IPO7: variants seen among roughly 807,000 people sequenced by gnomAD.
IPO7 encodes importin-7.
Under a neutral mutation model 136.4 loss-of-function variants are expected in IPO7, and 13 were observed. That is an observed-to-expected ratio of 0.10 (90% confidence interval 0.06 to 0.15). The LOEUF (loss-of-function observed/expected upper bound fraction) is 0.15. Among genes scored for constraint, IPO7 ranks in the 10% least tolerant of loss-of-function variants. The pLI is 1.00. For missense variants in IPO7, 857 were observed against 1,240.6 expected, an observed-to-expected ratio of 0.69 and a Z score of 4.65; for synonymous variants, 403 against 404.4, an observed-to-expected ratio of 1.00 and a Z score of 0.04.
intron 1 of IPO7, among the ~76,000 whole-genome samples, chr11:9,400,706 G>A: frequency 6.6e-6 from 1 of 152,058 alleles, no homozygotes; most frequent in East Asian, 1.9e-4. Context: ...ACAGGCGTGA[G>A]CCACTGTGCC....
intron 2 of IPO7, among the ~76,000 whole-genome samples, chr11:9,404,261 C>G (rs919213569): frequency 4.6e-5 from 7 of 151,966 alleles, no homozygotes; most frequent in African/African-American, 1.4e-4. Flanking sequence ...ATCAGGAAAT[C>G]GAGACCATCC....
At chr11:9,400,868 T>C (rs1854784225) in intron 1 of IPO7, among the ~76,000 whole-genome samples, 1 of 151,378 alleles carries the variant, frequency 6.6e-6, no homozygotes, top group South Asian at 2.1e-4. Context: ...GTTTGCAGAG[T>C]GGGGTAAAGT....
chr11:9,388,927 G>C (rs1181698173), intron 1 of IPO7, among the ~76,000 whole-genome samples: 1 of 152,060 alleles, frequency 6.6e-6, no homozygotes, highest in Non-Finnish European at 1.5e-5. Flanking sequence ...GTCATGAATT[G>C]TTATTTTTTG....
intron 1 of IPO7, among the ~76,000 whole-genome samples, chr11:9,401,065 C>T (rs750225953): frequency 9.2e-5 from 14 of 152,034 alleles, no homozygotes; most frequent in Non-Finnish European, 1.6e-4. Flanking sequence ...CCTGTAATCC[C>T]AGCTACTCTG....
chr11:9,444,503 C>G (rs2133770342), intron 24 of IPO7, among the ~76,000 whole-genome samples: 1 of 151,854 alleles, frequency 6.6e-6, no homozygotes, highest in East Asian at 2.0e-4. Flanking sequence ...GCTGAGATTG[C>G]AGGCACGCAC....
intron 20 of IPO7, 26 bp from the exon 21 acceptor site, chr11:9,437,728 G>T: frequency 6.7e-7 from 1 of 1,501,230 alleles, no homozygotes; most frequent in South Asian, 1.1e-5. Flanking sequence ...TATAGTCTTA[G>T]AATATCTTGC....
intron 1 of IPO7, among the ~76,000 whole-genome samples, chr11:9,401,238 G>A (rs1038610140): frequency 6.6e-6 from 1 of 151,986 alleles, no homozygotes; most frequent in Non-Finnish European, 1.5e-5. Flanking sequence ...ATGTGAACAT[G>A]TGTAGAAAAA....
At chr11:9,432,408 G>A (rs189197116) in intron 16 of IPO7, among the ~76,000 whole-genome samples, 13 of 152,144 alleles carry the variant, frequency 8.5e-5, no homozygotes, top group African/African-American at 3.1e-4. Flanking sequence ...CACCATGTTG[G>A]CCGGCAGGTC....
chr11:9,411,216 A>G (rs1854963888), intron 4 of IPO7, among the ~76,000 whole-genome samples: 1 of 152,224 alleles, frequency 6.6e-6, no homozygotes, highest in Non-Finnish European at 1.5e-5. Flanking sequence ...TGGGAGATAC[A>G]GGAGGCTGCT....
At chr11:9,418,263 G>A (rs1257119540) in intron 6 of IPO7, among the ~76,000 whole-genome samples, 1 of 151,178 alleles carries the variant, frequency 6.6e-6, no homozygotes, top group African/African-American at 2.4e-5. Flanking sequence ...TAGAGACAGG[G>A]TTTCACCATC....
At chr11:9,407,806 T>G (rs1854908330) in intron 2 of IPO7, among the ~76,000 whole-genome samples, 1 of 152,218 alleles carries the variant, frequency 6.6e-6, no homozygotes, top group Non-Finnish European at 1.5e-5. Context: ...GATTTGTGAC[T>G]CTGTTCTCCC....
chr11:9,413,561 T>C (rs1344119894), intron 4 of IPO7, among the ~76,000 whole-genome samples: 1 of 152,140 alleles, frequency 6.6e-6, no homozygotes, highest in Non-Finnish European at 1.5e-5. Context: ...AATAACCTAT[T>C]CCAGTTGCCT....
intron 8 of IPO7, among the ~76,000 whole-genome samples, chr11:9,421,049 C>T (rs1001856825): frequency 1.3e-5 from 2 of 151,988 alleles, no homozygotes; most frequent in Non-Finnish European, 2.9e-5. Flanking sequence ...ACTTCTGCCT[C>T]CCAGGTTCAA....
At chr11:9,407,596 A>T (rs1854905694) in intron 2 of IPO7, among the ~76,000 whole-genome samples, 1 of 152,156 alleles carries the variant, frequency 6.6e-6, no homozygotes, top group Admixed American at 6.5e-5. Context: ...TATAATCTTA[A>T]TCTATTTGAA....
Position 9,445,966 on chromosome 11 carries a change from T to C in IPO7, c.*772T>C, listed in dbSNP as rs1387104236. 2 of 152,212 alleles carry C rather than the reference T, an allele frequency of 1.3e-5. No homozygotes were observed. Among genetic ancestry groups the C allele is most frequent in the Non-Finnish European group, 2.9e-5 (2 of 68,040 alleles). 9.4% of individuals were successfully genotyped at this position (152,212 alleles called of 1,614,324 possible). A position where few individuals can be genotyped will look rare whatever the true frequency, so the allele number is the denominator to read the frequency against. On this transcript the variant is annotated 3_prime_UTR_variant, in exon 25 of 25. Transcript: ENST00000379719. ...GACTTTGTGGTGCACTCACCTCTGA[T>C]AGTGACTTGAATTCGGTATGTAAAA...
chr11:9,385,420 G>A (rs915301708), intron 1 of IPO7, among the ~76,000 whole-genome samples: 13 of 152,198 alleles, frequency 8.5e-5, no homozygotes, highest in African/African-American at 3.1e-4. Context: ...CTCCTTGGCA[G>A]GATAGGAGTA....
intron 24 of IPO7, among the ~76,000 whole-genome samples, chr11:9,443,471 A>T (rs1046266660): frequency 3.3e-5 from 5 of 151,020 alleles, no homozygotes; most frequent in African/African-American, 1.2e-4. Context: ...CATGCCTGTA[A>T]TCCCAGCTAC....
In IPO7 at chr11:9,445,819, C is replaced by G. The variant is rs1342734949; in HGVS notation, c.*625C>G. The stretch of plus-strand genomic sequence containing the variant: ...ATTAGCACTTTCATATTGAAACAAG[C>G]CTGCTAGCCTATGTATAAAATAGCA... On this transcript the variant is annotated 3_prime_UTR_variant, in exon 25 of 25. Coordinates refer to ENST00000379719, the MANE Select transcript of IPO7 (RefSeq NM_006391.3). The G allele has an allele frequency of 6.6e-6, 1 of 150,382 alleles. No homozygotes were observed. The highest frequency in any genetic ancestry group is 1.5e-5 in the Non-Finnish European group (1 of 67,844). 9.3% of individuals were successfully genotyped at this position (150,382 alleles called of 1,614,324 possible). A position where few individuals can be genotyped will look rare whatever the true frequency, so the allele number is the denominator to read the frequency against.
chr11:9,414,509 C>T, intron 5 of IPO7, 98 bp downstream of exon 5: 1 of 706,502 alleles, frequency 1.4e-6, no homozygotes, highest in South Asian at 2.6e-5. Flanking sequence ...TAATAGTTAA[C>T]TTGAAAATCT....
Sources: allele counts gnomAD v4.1 joint callset (sites outside exome capture counted in the v4.1 genomes callset), GRCh38; gene constraint gnomAD v4.1.1; transcripts MANE v1.5; gene names NCBI Gene and HGNC (gene_info 2026-07-23, HGNC 2026-07-21).